Variants in PCDH11X observed in about 807,000 individuals in gnomAD.
The protein encoded by PCDH11X is protocadherin 11 X-linked, also known as protocadherin-11 X-linked.
Under a neutral mutation model 53.3 loss-of-function variants are expected in PCDH11X, and 18 were observed. The ratio of observed to expected loss-of-function variants is 0.34; its 90% CI spans 0.23 to 0.50. The LOEUF is 0.50. Among genes scored for constraint, PCDH11X ranks in the 20% least tolerant of loss-of-function variants. The probability of loss-of-function intolerance (pLI) is 0.98; values close to 1 mark genes in which losing one functional copy is unlikely to be tolerated. For missense variants in PCDH11X, 570 were observed against 1,032.4 expected (o/e 0.55, Z 6.14); for synonymous variants, 279 against 393.3 (o/e 0.71, Z 3.44).
At chrX:92,407,268 C>G (rs1445548421) in intron 9 of PCDH11X, among the ~76,000 whole-genome samples, 2 of 111,573 alleles carry the variant, frequency 1.8e-5, no homozygotes, top group Non-Finnish European at 3.8e-5. Context: ...GTTTACAATA[C>G]TTGACCATAA....
intron 10 of PCDH11X, among the ~76,000 whole-genome samples, chrX:92,570,923 G>A (rs1363210555): frequency 9.1e-6 from 1 of 110,240 alleles, no homozygotes; most frequent in African/African-American, 3.4e-5. Flanking sequence ...AATAAGAAGA[G>A]AGAAAAAAGA....
At chrX:92,023,927 C>G (rs2148003549) in intron 6 of PCDH11X, among the ~76,000 whole-genome samples, 1 of 107,634 alleles carries the variant, frequency 9.3e-6, no homozygotes, top group East Asian at 3.0e-4. Flanking sequence ...ATGATTATTT[C>G]AACAGATGCA....
At chrX:92,023,252 T>G (rs1464796497) in intron 6 of PCDH11X, among the ~76,000 whole-genome samples, 1 of 107,029 alleles carries the variant, frequency 9.3e-6, no homozygotes, top group Admixed American at 1.0e-4. Context: ...AAAAAAAAAT[T>G]AACAAAATAG....
intron 6 of PCDH11X, among the ~76,000 whole-genome samples, chrX:91,885,652 G>C (rs1386176029): frequency 2.7e-5 from 3 of 110,795 alleles, no homozygotes; most frequent in Non-Finnish European, 5.7e-5. Flanking sequence ...CCATTTCAGT[G>C]AACCTTTCCT....
intron 6 of PCDH11X, among the ~76,000 whole-genome samples, chrX:92,039,499 A>C (rs1462854891): frequency 9.1e-6 from 1 of 109,614 alleles, no homozygotes; most frequent in African/African-American, 3.3e-5. Context: ...CACCACCACC[A>C]CCAGCCCACA....
At chrX:92,043,082 A>G (rs1369826831) in intron 6 of PCDH11X, among the ~76,000 whole-genome samples, 1 of 109,366 alleles carries the variant, frequency 9.1e-6, no homozygotes, top group African/African-American at 3.3e-5. Flanking sequence ...TCTACTTGAA[A>G]GAGATGATAC....
chrX:92,323,615 C>T (rs1456879412), intron 8 of PCDH11X, among the ~76,000 whole-genome samples: 2 of 110,283 alleles, frequency 1.8e-5, no homozygotes, highest in Admixed American at 2.0e-4. Context: ...GGTACATGTG[C>T]ACAATGTGCA....
intron 10 of PCDH11X, among the ~76,000 whole-genome samples, chrX:92,598,142 A>G: frequency 8.9e-6 from 1 of 111,793 alleles, no homozygotes; most frequent in African/African-American, 3.2e-5. Context: ...AGTTTTCTGT[A>G]ATACCCCACA....
chrX:92,472,634 T>G (rs935719591), intron 10 of PCDH11X, among the ~76,000 whole-genome samples: 2 of 110,229 alleles, frequency 1.8e-5, no homozygotes, highest in Non-Finnish European at 3.8e-5. Context: ...TTTAAATATT[T>G]TTTTAAAAAT....
rs774279391 is a variant in PCDH11X, at chrX:92,091,837, T to C, written c.3034-109538T>C. Among the ~76,000 whole-genome samples, 4 of 111,179 alleles carry C rather than the reference T, an allele frequency of 3.6e-5. No individual in the cohort carries two copies. In the East Asian group the frequency reaches 1.1e-3, roughly 32 times the overall value. ...AGAGAGCAGGTTGTAAAATGTTTCT[T>C]ATTTTACAATAAGACCTAAAAGAGT... On this transcript the variant is annotated intron_variant, in intron 6 of 10. Coordinates refer to ENST00000682573, the MANE Select transcript of PCDH11X (RefSeq NM_032968.5).
chrX:92,126,127 C>A (rs1403369963), intron 6 of PCDH11X, among the ~76,000 whole-genome samples: 2 of 100,994 alleles, frequency 2.0e-5, no homozygotes, highest in South Asian at 4.4e-4. Context: ...AACTCTGTCT[C>A]AAAAAAAAAA....
chrX:92,185,038 C>T (rs1237856876), intron 6 of PCDH11X, among the ~76,000 whole-genome samples: 2 of 111,152 alleles, frequency 1.8e-5, no homozygotes, highest in African/African-American at 3.3e-5. Flanking sequence ...TTCTTAATTT[C>T]GTCATATCGG....
intron 6 of PCDH11X, among the ~76,000 whole-genome samples, chrX:92,070,426 A>G (rs2063682311): frequency 8.9e-6 from 1 of 111,968 alleles, no homozygotes; most frequent in Non-Finnish European, 1.9e-5. Context: ...GAATATTTTC[A>G]CAAGATATAC....
chrX:92,464,812 A>G lies in PCDH11X; in HGVS notation c.3344-3487A>G, dbSNP rs183060442. ...GAATCTTTTTTGCATATTTTGTAGA[A>G]TTTTTTAAAATTAGCATTATTCAAA... On this transcript the variant is annotated intron_variant, in intron 9 of 10. Transcript: ENST00000682573. Among the ~76,000 whole-genome samples, 572 of 108,176 alleles carry G rather than the reference A, an allele frequency of 5.3e-3. 3 individuals are homozygous for G. Among genetic ancestry groups the G allele is most frequent in the Middle Eastern group, 0.029 (6 of 209 alleles). The allele number at this position is 108,176 out of a possible 115,157, so 93.9% of individuals were successfully genotyped here.
At chrX:92,217,935 A>AC (rs1210097435) in intron 7 of PCDH11X, among the ~76,000 whole-genome samples, 8 of 109,115 alleles carry the variant, frequency 7.3e-5, no homozygotes, top group African/African-American at 2.7e-4. Context: ...AAACTGAACA[A>AC]CCTGCTCCTG....
chrX:92,230,460 A>T lies in PCDH11X; in HGVS notation c.3114+29005A>T, dbSNP rs56800227. Among the ~76,000 whole-genome samples the T allele has an allele frequency of 6.6e-3, 373 of 56,687 alleles. 5 individuals are homozygous for T. The highest frequency in any genetic ancestry group is 0.02 in the African/African-American group (358 of 18,146). 49.2% of individuals were successfully genotyped at this position (56,687 alleles called of 115,157 possible). A position where few individuals can be genotyped will look rare whatever the true frequency, so the allele number is the denominator to read the frequency against. On this transcript the variant is annotated intron_variant, in intron 7 of 10. Coordinates refer to ENST00000682573, the MANE Select transcript of PCDH11X (RefSeq NM_032968.5). Reference sequence around the variant, plus strand: ...ATTATATATTTATATATAATTTATAAAATATATATTATATATAATATATAT... The same window carrying T: ...ATTATATATTTATATATAATTTATATAATATATATTATATATAATATATAT...
intron 10 of PCDH11X, among the ~76,000 whole-genome samples, chrX:92,587,504 A>T (rs1924524059): frequency 9.1e-6 from 1 of 109,718 alleles, no homozygotes; most frequent in Admixed American, 9.8e-5. Flanking sequence ...AAGTAATCTA[A>T]AGGTTAAAAA....
At chrX:92,470,082 T>G (rs1394038496) in intron 10 of PCDH11X, among the ~76,000 whole-genome samples, 1 of 110,772 alleles carries the variant, frequency 9.0e-6, no homozygotes, top group African/African-American at 3.3e-5. Context: ...CATCAAAGTT[T>G]TATAGTGTTC....
intron 6 of PCDH11X, among the ~76,000 whole-genome samples, chrX:92,104,168 C>T (rs1320233530): frequency 9.0e-6 from 1 of 110,829 alleles, no homozygotes; most frequent in Admixed American, 9.7e-5. Context: ...TGGGGGAGTG[C>T]TAGTCACGGA....
Sources: gnomAD v4.1 joint callset for allele counts (sites outside exome capture counted in the v4.1 genomes callset) on GRCh38, gnomAD v4.1.1 for gene constraint, MANE v1.5 for transcripts, NCBI Gene and HGNC (gene_info 2026-07-23, HGNC 2026-07-21) for gene names.